Variants in CADM2 observed in about 807,000 individuals in gnomAD.
CADM2 encodes the protein immunoglobulin superfamily member 4D.
In CADM2, 12 loss-of-function variants were observed where a neutral mutation model predicts 49.8. The ratio of observed to expected loss-of-function variants is 0.24; its 90% confidence interval spans 0.15 to 0.39. The LOEUF (loss-of-function observed/expected upper bound fraction) is 0.39, where lower values mean the gene tolerates loss of function less well. CADM2 is among the 10% of genes least tolerant of loss of function. The pLI is 1.00. For missense variants in CADM2, 378 were observed against 492.3 expected (o/e 0.77, Z 2.20); for synonymous variants, 214 against 175.4 (o/e 1.22, Z -1.74).
intron 1 of CADM2, among the ~76,000 whole-genome samples, chr3:85,405,932 A>C (rs994910457): frequency 1.3e-5 from 2 of 151,866 alleles, no homozygotes; most frequent in African/African-American, 4.8e-5. Context: ...AAAATAAATA[A>C]AATAAAATAA....
At chr3:85,504,701 TG>T (rs989475755) in intron 1 of CADM2, among the ~76,000 whole-genome samples, 2 of 152,154 alleles carry the variant, frequency 1.3e-5, no homozygotes, top group African/African-American at 4.8e-5. Context: ...GGGTGGTCGA[TG>T]GGACTGGGCT....
intron 1 of CADM2, among the ~76,000 whole-genome samples, chr3:85,034,312 C>G (rs909409926): frequency 2.0e-5 from 3 of 151,830 alleles, no homozygotes; most frequent in Admixed American, 1.3e-4. Flanking sequence ...CTAATGAGTT[C>G]AGTTGTTTTC....
At chr3:85,390,898 A>G (rs1223942635) in intron 1 of CADM2, among the ~76,000 whole-genome samples, 2 of 152,084 alleles carry the variant, frequency 1.3e-5, no homozygotes, top group Non-Finnish European at 2.9e-5. Flanking sequence ...CAGTGTTGCT[A>G]TATCCCTGGG....
At chr3:85,825,337 A>G (rs1472297021) in intron 3 of CADM2, among the ~76,000 whole-genome samples, 1 of 152,076 alleles carries the variant, frequency 6.6e-6, no homozygotes, top group Non-Finnish European at 1.5e-5. Flanking sequence ...GGACCAGAAA[A>G]GGTGAGGAGG....
At chr3:85,550,185 T>C (rs1243892926) in intron 1 of CADM2, among the ~76,000 whole-genome samples, 1 of 152,188 alleles carries the variant, frequency 6.6e-6, no homozygotes, top group Non-Finnish European at 1.5e-5. Flanking sequence ...GTTTCTGCTC[T>C]AGTTTATTAC....
chr3:85,394,691 C>G (rs1016974370), intron 1 of CADM2, among the ~76,000 whole-genome samples: 13 of 152,114 alleles, frequency 8.5e-5, no homozygotes, highest in African/African-American at 2.7e-4. Context: ...CTTCCTTGGA[C>G]TTCATTTATC....
intron 2 of CADM2, among the ~76,000 whole-genome samples, chr3:85,777,703 C>A (rs1262125105): frequency 1.3e-5 from 2 of 152,216 alleles, no homozygotes; most frequent in African/African-American, 4.8e-5. Context: ...ATCTTCCACA[C>A]TGGCATTATT....
At chr3:85,717,508 G>T (rs2067337122) in intron 1 of CADM2, among the ~76,000 whole-genome samples, 1 of 152,030 alleles carries the variant, frequency 6.6e-6, no homozygotes, top group South Asian at 2.1e-4. Flanking sequence ...GATTGCCCTG[G>T]CCAGAACTTC....
chr3:85,710,736 A>G (rs2067093041), intron 1 of CADM2, among the ~76,000 whole-genome samples: 1 of 152,200 alleles, frequency 6.6e-6, no homozygotes, highest in African/African-American at 2.4e-5. Flanking sequence ...ATGCTGAATT[A>G]TAATTTACTC....
At chr3:85,777,710 T>C (rs2070428899) in intron 2 of CADM2, among the ~76,000 whole-genome samples, 1 of 152,250 alleles carries the variant, frequency 6.6e-6, no homozygotes, top group Non-Finnish European at 1.5e-5. Context: ...ACACTGGCAT[T>C]ATTTAATAGA....
chr3:85,397,572 CAT>C (rs1193846569), intron 1 of CADM2, among the ~76,000 whole-genome samples: 8 of 152,284 alleles, frequency 5.3e-5, no homozygotes, highest in African/African-American at 9.6e-5. Flanking sequence ...AGTTCTGACA[CAT>C]GTTACAACAA....
chr3:85,344,583 A>G (rs2030376010), intron 1 of CADM2, among the ~76,000 whole-genome samples: 1 of 151,790 alleles, frequency 6.6e-6, no homozygotes, highest in African/African-American at 2.4e-5. Context: ...AAGACCAATC[A>G]GAATGAAGTC....
intron 1 of CADM2, among the ~76,000 whole-genome samples, chr3:85,592,016 CTT>C (rs1340292607): frequency 2.6e-5 from 4 of 151,278 alleles, no homozygotes; most frequent in Non-Finnish European, 4.4e-5. Flanking sequence ...TATAGAAAGA[CTT>C]AATAGAAATG....
At chr3:85,430,378 A>T (rs2036604407) in intron 1 of CADM2, among the ~76,000 whole-genome samples, 1 of 151,994 alleles carries the variant, frequency 6.6e-6, no homozygotes, top group Non-Finnish European at 1.5e-5. Flanking sequence ...GGCTGGGCAC[A>T]AGGGCTCAGG....
At chr3:85,944,422 C>G (rs534550882) in intron 7 of CADM2, among the ~76,000 whole-genome samples, 17 of 152,118 alleles carry the variant, frequency 1.1e-4, no homozygotes, top group Non-Finnish European at 1.9e-4. Flanking sequence ...CCAAGGAGAC[C>G]TAATAGAAAT....
At chr3:85,883,942 C>G (rs1713187358) in intron 4 of CADM2, among the ~76,000 whole-genome samples, 1 of 152,158 alleles carries the variant, frequency 6.6e-6, no homozygotes, top group Admixed American at 6.5e-5. Flanking sequence ...CTGATATTTC[C>G]ATGTGTCTTC....
At chr3:86,024,913 C>T (rs1316972198) in intron 8 of CADM2, among the ~76,000 whole-genome samples, 1 of 151,786 alleles carries the variant, frequency 6.6e-6, no homozygotes, top group Non-Finnish European at 1.5e-5. Context: ...GACAGAGTCT[C>T]ACTCTGTCGC....
At chr3:86,005,813 T>C (rs1730718055) in intron 8 of CADM2, among the ~76,000 whole-genome samples, 1 of 152,124 alleles carries the variant, frequency 6.6e-6, no homozygotes, top group Non-Finnish European at 1.5e-5. Context: ...GTCTTATTCT[T>C]TCTAACAATT....
intron 1 of CADM2, among the ~76,000 whole-genome samples, chr3:85,694,585 A>G (rs993800880): frequency 3.3e-5 from 5 of 152,230 alleles, no homozygotes; most frequent in Non-Finnish European, 5.9e-5. Flanking sequence ...AATATGCAAT[A>G]TGAATATATT....
Sources: gnomAD v4.1 joint callset for allele counts (sites outside exome capture counted in the v4.1 genomes callset) on GRCh38, gnomAD v4.1.1 for gene constraint, MANE v1.5 for transcripts, NCBI Gene and HGNC (gene_info 2026-07-23, HGNC 2026-07-21) for gene names.